The following OPCML variants were observed in gnomAD, a reference collection of about 807,000 sequenced individuals.
The protein encoded by OPCML is opioid binding protein/cell adhesion molecule like, also known as opioid-binding protein/cell adhesion molecule.
OPCML carries 13 observed loss-of-function variants against 37.8 expected under a neutral mutation model. The observed-to-expected ratio is 0.34, with a 90% CI of 0.22 to 0.55. The LOEUF (loss-of-function observed/expected upper bound fraction) is 0.55, where lower values mean the gene tolerates loss of function less well. Ranked by LOEUF, OPCML falls within the 20% of genes least tolerant of loss-of-function variation. The probability of loss-of-function intolerance (pLI) is 0.91; values close to 1 mark genes in which losing one functional copy is unlikely to be tolerated. For missense variants in OPCML, 341 were observed against 435.6 expected (o/e 0.78, Z 1.93); for synonymous variants, 176 against 168.8 (o/e 1.04, Z -0.33).
chr11:133,532,334 G>T lies in OPCML; in HGVS notation c.-10C>A. 2 of 1,612,800 alleles carry T rather than the reference G, an allele frequency of 1.2e-6. No individual in the cohort carries two copies. Among genetic ancestry groups the T allele is most frequent in the East Asian group, 2.2e-5 (1 of 44,776 alleles). ...AGGCAGGATGGTACATCTCGACGCT[G>T]CGGTGCTCTCAGCTGCCGGGCTTGC... On this transcript the variant is annotated 5_prime_UTR_variant, in exon 1 of 8. Coordinates refer to ENST00000524381, the MANE Select transcript of OPCML (RefSeq NM_001012393.5).
chr11:132,582,104 T>TTGTGTGTGTGTG (rs145244488), intron 3 of OPCML, among the ~76,000 whole-genome samples: 4 of 140,410 alleles, frequency 2.8e-5, no homozygotes, highest in Non-Finnish European at 4.6e-5. Context: ...CACACATACT[T>TTGTGTGTGTGTG]TGTGTGTGTG....
intron 3 of OPCML, among the ~76,000 whole-genome samples, chr11:132,570,804 T>TAGAGAGAGAGAGAGAGAGAGAGAG (rs1203341702): frequency 1.2e-4 from 11 of 90,758 alleles, no homozygotes; most frequent in African/African-American, 4.5e-4. Flanking sequence ...TATATATATT[T>TAGAGAGAGAGAGAGAGAGAGAGAG]AGAGAGAGAG....
At chr11:132,454,187 G>A (rs1365286426) in intron 4 of OPCML, among the ~76,000 whole-genome samples, 2 of 152,170 alleles carry the variant, frequency 1.3e-5, no homozygotes, top group Non-Finnish European at 2.9e-5. Flanking sequence ...TTCTTAATTG[G>A]TCTCATTTGT....
At chr11:133,182,233 A>G (rs1937866979) in intron 1 of OPCML, among the ~76,000 whole-genome samples, 1 of 152,234 alleles carries the variant, frequency 6.6e-6, no homozygotes. Flanking sequence ...ACCTTCTGAG[A>G]GATGGCTAAT....
chr11:133,280,465 C>T (rs1321097434), intron 1 of OPCML, among the ~76,000 whole-genome samples: 1 of 152,156 alleles, frequency 6.6e-6, no homozygotes, highest in African/African-American at 2.4e-5. Context: ...AGATTGCTTT[C>T]AAGGAACACT....
intron 1 of OPCML, among the ~76,000 whole-genome samples, chr11:133,392,999 CTCTTA>C (rs1945204811): frequency 6.7e-6 from 1 of 150,344 alleles, no homozygotes. Context: ...CTTGTTTCAG[CTCTTA>C]TATTATAAAC....
chr11:132,692,710 T>A (rs1943451323), intron 2 of OPCML, among the ~76,000 whole-genome samples: 1 of 152,234 alleles, frequency 6.6e-6, no homozygotes, highest in African/African-American at 2.4e-5. Flanking sequence ...TGTCTGGTTA[T>A]AATAGGTGCT....
chr11:133,072,803 G>A lies in OPCML; in HGVS notation c.62-129793C>T, dbSNP rs936726894. 2.0e-4 allele frequency among the ~76,000 whole-genome samples: 30 copies of A among 152,250 alleles called. 2 individuals are homozygous for A. Among genetic ancestry groups the A allele is most frequent in the Admixed American group, 1.0e-3 (16 of 15,290 alleles). On this transcript the variant is annotated intron_variant, in intron 1 of 7. Coordinates refer to ENST00000524381, the MANE Select transcript of OPCML (RefSeq NM_001012393.5). ...TCTCTCCATCAAACACAAGGGGACT[G>A]TAAGTACTCAAGAGTGAGCGACAGA...
chr11:132,963,523 C>T (rs975296944), intron 1 of OPCML, among the ~76,000 whole-genome samples: 5 of 149,304 alleles, frequency 3.3e-5, no homozygotes, highest in East Asian at 2.0e-4. Context: ...ACCCAGGAGG[C>T]GGAGGTTGCA....
intron 1 of OPCML, among the ~76,000 whole-genome samples, chr11:133,332,350 T>A (rs775213546): frequency 9.2e-5 from 14 of 152,202 alleles, no homozygotes; most frequent in Non-Finnish European, 1.9e-4. Flanking sequence ...GTTTTCTAGC[T>A]AGAGAATGAT....
chr11:132,806,288 G>T (rs938265013), intron 2 of OPCML, among the ~76,000 whole-genome samples: 3 of 152,028 alleles, frequency 2.0e-5, no homozygotes, highest in Non-Finnish European at 4.4e-5. Context: ...AATGTGAAGG[G>T]ATTTAAAATG....
intron 4 of OPCML, among the ~76,000 whole-genome samples, chr11:132,465,192 G>A (rs369620967): frequency 1.2e-4 from 18 of 151,996 alleles, no homozygotes; most frequent in East Asian, 5.8e-4. Context: ...TGCCATGATC[G>A]TCCTTCTACA....
chr11:133,271,681 C>A lies in OPCML; in HGVS notation c.61+260583G>T, dbSNP rs561536584. Among the ~76,000 whole-genome samples, 9 of 152,320 alleles carry A rather than the reference C, an allele frequency of 5.9e-5. No homozygotes were observed. The South Asian group carries it at 1.5e-3, about 25-fold the overall frequency. ...AACTGATTGGTAGAACCAATATTCT[C>A]ACCCCTATGCAATATCACCAGTCTA... On this transcript the variant is annotated intron_variant, in intron 1 of 7. Transcript: ENST00000524381.
At chr11:132,465,527 G>T (rs2226648) in intron 4 of OPCML, among the ~76,000 whole-genome samples, 5,382 of 149,688 alleles carry the variant, frequency 0.036, 279 homozygotes, top group African/African-American at 0.13. Flanking sequence ...TCAATTTTTC[G>T]ATTGGACTTT....
chr11:132,963,796 T>A (rs1358551735), intron 1 of OPCML, among the ~76,000 whole-genome samples: 1 of 152,130 alleles, frequency 6.6e-6, no homozygotes, highest in Non-Finnish European at 1.5e-5. Context: ...TACTTTTTTT[T>A]ATTATTATTC....
intron 4 of OPCML, among the ~76,000 whole-genome samples, chr11:132,452,555 T>TTTTTCCTTCCTTCCTGCCTGCCTTCCTA (rs2096071247): frequency 6.8e-6 from 1 of 146,626 alleles, no homozygotes; most frequent in Admixed American, 6.8e-5. Flanking sequence ...CTGCCTTCCT[T>TTTTTCCTTCCTTCCTGCCTGCCTTCCTA]TTTTCCTTCC....
At chr11:132,630,433 C>T (rs1316975827) in intron 3 of OPCML, among the ~76,000 whole-genome samples, 5 of 152,062 alleles carry the variant, frequency 3.3e-5, no homozygotes, top group African/African-American at 1.2e-4. Context: ...TGGCACGTGC[C>T]TGTAACCCCA....
intron 1 of OPCML, among the ~76,000 whole-genome samples, chr11:133,493,410 G>A (rs375793119): frequency 4.1e-4 from 62 of 152,294 alleles, no homozygotes; most frequent in African/African-American, 1.3e-3. Context: ...CTCGAATCTC[G>A]TTCAGTCACA....
At position 132,441,165 on chromosome 11, in the gene OPCML, G is replaced by GTTTTTTTTTTTTTTTTTT. The variant is rs68143578; in HGVS notation, c.506-3824_506-3807dup. Among the ~76,000 whole-genome samples, 104 of 72,378 alleles carry GTTTTTTTTTTTTTTTTTT rather than the reference G, an allele frequency of 1.4e-3. 10 individuals carry two copies. The highest frequency in any genetic ancestry group is 6.8e-3 in the Middle Eastern group (1 of 146). 47.5% of individuals were successfully genotyped at this position (72,378 alleles called of 152,430 possible). On this transcript the variant is annotated intron_variant, in intron 4 of 7. Transcript: ENST00000524381. The stretch of plus-strand genomic sequence containing the variant: ...AGATGTGTTCACCAAGGACTTTTTT[G>GTTTTTTTTTTTTTTTTTT]TTTTTTTTTTTTTTTTTTTTGAGAC...
Sources: allele counts gnomAD v4.1 joint callset (sites outside exome capture counted in the v4.1 genomes callset), GRCh38; gene constraint gnomAD v4.1.1; transcripts MANE v1.5; gene names NCBI Gene and HGNC (gene_info 2026-07-23, HGNC 2026-07-21).